Variants in P2RY14 observed in about 807,000 individuals in gnomAD.
The protein encoded by P2RY14 is purinergic receptor P2Y14.
In P2RY14, 2 loss-of-function variants were observed where a neutral mutation model predicts 0.9. That is an observed-to-expected ratio of 2.16 (90% CI 0.88 to 6.79). The LOEUF (loss-of-function observed/expected upper bound fraction) is 6.79, where lower values mean the gene tolerates loss of function less well. Among genes scored for constraint, P2RY14 ranks in the 30% most tolerant of loss-of-function variants. The pLI is 0.05. For missense variants in P2RY14, 378 were observed against 400.1 expected (o/e 0.94, Z 0.47); for synonymous variants, 158 against 147.2 (o/e 1.07, Z -0.53).
chr3:151,217,868 T>A (rs1313632759), intron 2 of P2RY14, among the ~76,000 whole-genome samples: 2 of 152,112 alleles, frequency 1.3e-5, no homozygotes, highest in African/African-American at 4.8e-5. Flanking sequence ...GCCTTTTCTG[T>A]AGGGCAGATC....
intron 1 of P2RY14, chr3:151,269,771 T>A (rs1483325295): frequency 1.6e-5 from 7 of 424,424 alleles, no homozygotes; most frequent in African/African-American, 4.2e-5. Context: ...GGTGATCTAT[T>A]TTTAGAGTCC....
rs1329788119 is a variant in P2RY14, at chr3:151,278,075, A to G, written c.-133+212T>C. Among the ~76,000 whole-genome samples, 9 of 152,344 alleles carry G rather than the reference A, an allele frequency of 5.9e-5. No homozygotes were observed. In the South Asian group the frequency reaches 1.2e-3, roughly 21 times the overall value. ...TGGAAATCCTAAATCATAAATGATA[A>G]TATTTCAGTATTGGATCCCCATATT... On this transcript the variant is annotated intron_variant, in intron 1 of 2. Transcript: ENST00000309170.
chr3:151,237,355 T>TTC (rs1553753100), intron 1 of P2RY14, among the ~76,000 whole-genome samples: 2 of 128,838 alleles, frequency 1.6e-5, no homozygotes, highest in Non-Finnish European at 3.2e-5. Context: ...TTTTTCTTTT[T>TTC]TTTTTTTTTT....
At chr3:151,256,640 C>A (rs1333256112) in intron 1 of P2RY14, among the ~76,000 whole-genome samples, 1 of 152,122 alleles carries the variant, frequency 6.6e-6, no homozygotes, top group Non-Finnish European at 1.5e-5. Context: ...ACAGGAAAGA[C>A]AAAAGCTTAT....
At chr3:151,261,171 A>G (rs938763485) in intron 1 of P2RY14, among the ~76,000 whole-genome samples, 3 of 152,144 alleles carry the variant, frequency 2.0e-5, no homozygotes, top group Non-Finnish European at 4.4e-5. Flanking sequence ...ACTGTTCCCC[A>G]TTCTCTTTTG....
intron 1 of P2RY14, among the ~76,000 whole-genome samples, chr3:151,258,695 C>CA (rs767998781): frequency 1.6e-4 from 25 of 151,838 alleles, no homozygotes; most frequent in East Asian, 5.8e-4. Context: ...ACTAAAAATA[C>CA]AAAAAAATTA....
At chr3:151,226,498 C>G (rs2149297843) in intron 1 of P2RY14, among the ~76,000 whole-genome samples, 1 of 152,272 alleles carries the variant, frequency 6.6e-6, no homozygotes, top group South Asian at 2.1e-4. Flanking sequence ...GATTCCAAGC[C>G]AGGGCTCCCC....
intron 1 of P2RY14, among the ~76,000 whole-genome samples, chr3:151,261,838 C>T (rs1409569447): frequency 6.6e-6 from 1 of 152,110 alleles, no homozygotes; most frequent in Admixed American, 6.5e-5. Flanking sequence ...CATTCTTGTG[C>T]CTCAGCCTCC....
chr3:151,229,968 T>C (rs1731308663), intron 1 of P2RY14, among the ~76,000 whole-genome samples: 2 of 152,054 alleles, frequency 1.3e-5, no homozygotes, highest in Admixed American at 1.3e-4. Flanking sequence ...TCTGTTTTTT[T>C]GTTTTTTGTT....
chr3:151,233,714 CAA>C (rs1309047646), intron 1 of P2RY14, among the ~76,000 whole-genome samples: 1 of 152,216 alleles, frequency 6.6e-6, no homozygotes, highest in Non-Finnish European at 1.5e-5. Context: ...ACCTGGGCAA[CAA>C]GAGTGAAACT....
intron 1 of P2RY14, among the ~76,000 whole-genome samples, chr3:151,252,382 A>G (rs925033687): frequency 6.6e-6 from 1 of 152,172 alleles, no homozygotes; most frequent in East Asian, 1.9e-4. Flanking sequence ...CTGATTTTTC[A>G]TAGAAAATAA....
chr3:151,221,338 C>T (rs1402423087), intron 1 of P2RY14, among the ~76,000 whole-genome samples: 6 of 152,180 alleles, frequency 3.9e-5, no homozygotes. Flanking sequence ...AAGTTCAAGC[C>T]GGCTGCAGAA....
intron 1 of P2RY14, among the ~76,000 whole-genome samples, chr3:151,268,683 A>C (rs1740296031): frequency 1.3e-5 from 2 of 152,168 alleles, no homozygotes. Context: ...AGCTTTGAAA[A>C]CACATTTCTT....
intron 1 of P2RY14, among the ~76,000 whole-genome samples, chr3:151,276,717 A>G (rs115313743): frequency 5.6e-4 from 86 of 152,274 alleles, no homozygotes; most frequent in African/African-American, 1.9e-3. Flanking sequence ...TCAGCACTTT[A>G]GAAGCATCAT....
chr3:151,253,460 G>A (rs986343057), intron 1 of P2RY14, among the ~76,000 whole-genome samples: 6 of 152,128 alleles, frequency 3.9e-5, no homozygotes, highest in Non-Finnish European at 4.4e-5. Context: ...TTGTTGGGCC[G>A]TTTCCTAAGC....
chr3:151,273,348 C>T (rs1295008091), intron 1 of P2RY14, among the ~76,000 whole-genome samples: 1 of 150,384 alleles, frequency 6.6e-6, no homozygotes, highest in Admixed American at 6.6e-5. Flanking sequence ...CTGCCTCAGC[C>T]TCCTGAGTAG....
At chr3:151,223,708 G>C (rs1254373737) in intron 1 of P2RY14, among the ~76,000 whole-genome samples, 2 of 152,186 alleles carry the variant, frequency 1.3e-5, no homozygotes, top group Admixed American at 1.3e-4. Context: ...AGGAAGCGGG[G>C]AAATGGTGGA....
intron 1 of P2RY14, among the ~76,000 whole-genome samples, chr3:151,227,058 G>T (rs1467450811): frequency 6.6e-6 from 1 of 152,168 alleles, no homozygotes; most frequent in African/African-American, 2.4e-5. Context: ...GGAGATGTGA[G>T]CTCAAGATCA....
intron 1 of P2RY14, among the ~76,000 whole-genome samples, chr3:151,242,652 C>G (rs1027320915): frequency 3.3e-5 from 5 of 152,140 alleles, no homozygotes; most frequent in African/African-American, 4.8e-5. Context: ...GTAGATAAAA[C>G]CACAAAGATG....
Sources: gnomAD v4.1 joint callset for allele counts (sites outside exome capture counted in the v4.1 genomes callset) on GRCh38, gnomAD v4.1.1 for gene constraint, MANE v1.5 for transcripts, NCBI Gene and HGNC (gene_info 2026-07-23, HGNC 2026-07-21) for gene names.